The following CCDC30 variants were observed in gnomAD, a reference collection of about 807,000 sequenced individuals.
The protein encoded by CCDC30 is coiled-coil domain containing 30, also known as coiled-coil domain-containing protein 30.
In CCDC30, 70 loss-of-function variants were observed where a neutral mutation model predicts 100.2. The observed-to-expected ratio is 0.70, with a 90% CI of 0.58 to 0.85. The LOEUF (loss-of-function observed/expected upper bound fraction) is 0.85, where lower values mean the gene tolerates loss of function less well. Among genes scored for constraint, CCDC30 ranks in the 40% least tolerant of loss-of-function variants. The pLI, the probability that CCDC30 is intolerant of heterozygous loss-of-function variation, is 0.00. For missense variants in CCDC30, 652 were observed against 771.2 expected, an observed-to-expected ratio of 0.85 and a Z score of 1.83; for synonymous variants, 233 against 269.5, an observed-to-expected ratio of 0.86 and a Z score of 1.33.
intron 1 of CCDC30, among the ~76,000 whole-genome samples, chr1:42,479,422 A>G (rs1643922889): frequency 6.6e-6 from 1 of 152,188 alleles, no homozygotes; most frequent in South Asian, 2.1e-4. Context: ...CTATAGATCA[A>G]TGGAACTCTC....
At chr1:42,575,473 G>A (rs1022431554) in intron 7 of CCDC30, among the ~76,000 whole-genome samples, 1 of 151,702 alleles carries the variant, frequency 6.6e-6, no homozygotes, top group African/African-American at 2.4e-5. Context: ...CTTGGTGAAA[G>A]CCTGTCTCTA....
the CCDC30 span, among the ~76,000 whole-genome samples, chr1:42,457,845 C>T: frequency 6.6e-6 from 1 of 151,818 alleles, no homozygotes; most frequent in African/African-American, 2.4e-5. Flanking sequence ...ATCCCAGCTA[C>T]TCGGGAGGCT....
intron 6 of CCDC30, among the ~76,000 whole-genome samples, chr1:42,528,074 C>G (rs1644749959): frequency 6.6e-6 from 1 of 152,060 alleles, no homozygotes; most frequent in African/African-American, 2.4e-5. Context: ...CCACATTGGC[C>G]AGGCTGGTCT....
At chr1:42,552,081 G>A (rs1310304579) in intron 6 of CCDC30, among the ~76,000 whole-genome samples, 1 of 151,934 alleles carries the variant, frequency 6.6e-6, no homozygotes, top group Non-Finnish European at 1.5e-5. Context: ...CTGTTCTTTT[G>A]GGGGAGCATT....
At chr1:42,614,550 G>A (rs1646688729) in intron 11 of CCDC30, among the ~76,000 whole-genome samples, 1 of 151,114 alleles carries the variant, frequency 6.6e-6, no homozygotes, top group Admixed American at 6.6e-5. Flanking sequence ...ACTTTGGGAG[G>A]CTGAGGCGGG....
intron 6 of CCDC30, among the ~76,000 whole-genome samples, chr1:42,545,817 G>A (rs1302473630): frequency 6.6e-6 from 1 of 151,846 alleles, no homozygotes; most frequent in Non-Finnish European, 1.5e-5. Flanking sequence ...GATGATGTGT[G>A]TCTGCAGTCC....
intron 6 of CCDC30, among the ~76,000 whole-genome samples, chr1:42,544,938 G>T (rs966160640): frequency 1.3e-5 from 2 of 151,926 alleles, no homozygotes; most frequent in Admixed American, 6.6e-5. Flanking sequence ...ATCTCCGTAA[G>T]ATATATCTAA....
exon 2 of CCDC30, chr1:42,480,494 G>A (rs1046107724): frequency 5.0e-5 from 15 of 298,478 alleles, no homozygotes; most frequent in Non-Finnish European, 4.5e-5. Context: ...CATGATCTCC[G>A]TTCACTGCAG....
chr1:42,540,672 C>T (rs200280908), intron 6 of CCDC30, among the ~76,000 whole-genome samples: 2 of 126,440 alleles, frequency 1.6e-5, no homozygotes, highest in African/African-American at 3.0e-5. Context: ...CACACACATA[C>T]ACATACACAC....
chr1:42,464,520 A>G (rs969126988), intron 1 of CCDC30, among the ~76,000 whole-genome samples: 16 of 152,330 alleles, frequency 1.1e-4, no homozygotes, highest in African/African-American at 3.8e-4. Context: ...ATCAGAAAAC[A>G]TTCTTTGTGA....
chr1:42,506,253 T>G (rs1644393121), intron 6 of CCDC30, among the ~76,000 whole-genome samples: 1 of 152,244 alleles, frequency 6.6e-6, no homozygotes, highest in Non-Finnish European at 1.5e-5. Flanking sequence ...AGTTATCTCC[T>G]GTTTGATATT....
At chr1:42,508,321 G>A (rs974563925) in intron 6 of CCDC30, among the ~76,000 whole-genome samples, 1 of 152,134 alleles carries the variant, frequency 6.6e-6, no homozygotes, top group Non-Finnish European at 1.5e-5. Context: ...CAACCCAAAG[G>A]CAATCAGCCC....
Position 42,620,754 on chromosome 1 carries a change from T to C in CCDC30, c.1277+9664T>C, listed in dbSNP as rs982599516. 5.9e-5 allele frequency among the ~76,000 whole-genome samples: 9 copies of C among 152,076 alleles called. No individual in the cohort carries two copies. The East Asian group carries it at 1.7e-3, about 29-fold the overall frequency. ...AGGAAAAAGGCACACAGCTCACAGATCTCAAGAAAAGACTTACTTATGTTA... is the reference window on the plus strand; with the variant it reads ...AGGAAAAAGGCACACAGCTCACAGACCTCAAGAAAAGACTTACTTATGTTA... On this transcript the variant is annotated intron_variant, in intron 11 of 16. Coordinates refer to ENST00000668663, the Ensembl canonical transcript of CCDC30.
intron 1 of CCDC30, among the ~76,000 whole-genome samples, chr1:42,475,132 T>C (rs1643869058): frequency 6.6e-6 from 1 of 152,098 alleles, no homozygotes; most frequent in South Asian, 2.1e-4. Context: ...AAATTTGTGG[T>C]TACATGTCAT....
At chr1:42,459,174 TTTTTG>T, upstream of CCDC30, 1 of 150,430 alleles carries the variant, frequency 6.6e-6, no homozygotes, top group South Asian at 2.1e-4. Context: ...TTTTTTTTTT[TTTTTG>T]TGAGACAAGG....
At chr1:42,518,962 A>C (rs1644595165) in intron 6 of CCDC30, among the ~76,000 whole-genome samples, 1 of 152,118 alleles carries the variant, frequency 6.6e-6, no homozygotes. Context: ...TTTCTGTTCC[A>C]TGTTTGTTAA....
intron 11 of CCDC30, among the ~76,000 whole-genome samples, chr1:42,617,215 G>T (rs1646742524): frequency 6.6e-6 from 1 of 152,048 alleles, no homozygotes; most frequent in Non-Finnish European, 1.5e-5. Context: ...AAGGCAGGAG[G>T]ATCACTTGAA....
chr1:42,653,736 A>T, intron 16 of CCDC30, 82 bp from the exon 21 acceptor site: 1 of 986,026 alleles, frequency 1.0e-6, no homozygotes, highest in Non-Finnish European at 1.5e-6. Context: ...TTGAAATTCT[A>T]TCAATGCCTG....
chr1:42,621,382 C>T (rs1381035326), intron 11 of CCDC30, among the ~76,000 whole-genome samples: 1 of 151,996 alleles, frequency 6.6e-6, no homozygotes, highest in Non-Finnish European at 1.5e-5. Context: ...GTGGCGCAAT[C>T]TCAGCTCACT....
Sources: gnomAD v4.1 joint callset for allele counts (sites outside exome capture counted in the v4.1 genomes callset) on GRCh38, gnomAD v4.1.1 for gene constraint, MANE v1.5 for transcripts, NCBI Gene and HGNC (gene_info 2026-07-23, HGNC 2026-07-21) for gene names.